The following SLC12A3 variants were observed in gnomAD, a reference collection of about 807,000 sequenced individuals.
The protein encoded by SLC12A3 is Na-Cl cotransporter.
In SLC12A3, 104 loss-of-function variants were observed where a neutral mutation model predicts 121.0. That is an observed-to-expected ratio of 0.86 (90% CI 0.73 to 1.01). The LOEUF (loss-of-function observed/expected upper bound fraction) is 1.01. Ranked by LOEUF, SLC12A3 falls within the 50% of genes least tolerant of loss-of-function variation. The pLI is 0.00. For synonymous variants in SLC12A3, 536 were observed against 533.4 expected, an observed-to-expected ratio of 1.00 and a Z score of -0.07; for missense variants, 1,328 against 1,356.3, an observed-to-expected ratio of 0.98 and a Z score of 0.33.
At chr16:56,888,770 G>C (rs1183459087) in intron 18 of SLC12A3, among the ~76,000 whole-genome samples, 3 of 152,010 alleles carry the variant, frequency 2.0e-5, no homozygotes, top group African/African-American at 7.3e-5. Flanking sequence ...GTGTTAGCCA[G>C]GATGGTCTCG....
At chr16:56,885,770 C>T (rs2055302882) in intron 15 of SLC12A3, among the ~76,000 whole-genome samples, 1 of 152,172 alleles carries the variant, frequency 6.6e-6, no homozygotes, top group Admixed American at 6.6e-5. Flanking sequence ...TAATTATTGG[C>T]AATATCTATT....
chr16:56,887,862 C>A (rs2055339225), intron 17 of SLC12A3, 63 bp from the exon 18 acceptor site: 1 of 1,107,326 alleles, frequency 9.0e-7, no homozygotes, highest in Non-Finnish European at 1.3e-6. Flanking sequence ...GGGGCTCTGG[C>A]CAGGTGGATC....
In SLC12A3 at chr16:56,879,425, G is replaced by A. The variant is rs1173998804; in HGVS notation, c.1336-117G>A. 6.6e-6 allele frequency: 7 copies of A among 1,062,994 alleles called. No individual in the cohort carries two copies. In the African/African-American group the frequency reaches 7.8e-5, roughly 12 times the overall value. The allele number at this position is 1,062,994 out of a possible 1,614,324, so 65.8% of individuals were successfully genotyped here. ...ACTGGGATCTCCAGGGGTGGGTTGTGGACTCAGGTGGAGGCTCAGGACCCA... is the reference window on the plus strand; with the variant it reads ...ACTGGGATCTCCAGGGGTGGGTTGTAGACTCAGGTGGAGGCTCAGGACCCA... On this transcript the variant is annotated intron_variant, in intron 10 of 25. Transcript: ENST00000563236.
In SLC12A3 at chr16:56,894,116, G is replaced by A. The variant is rs562864053; in HGVS notation, c.2522-415G>A. 1.4e-4 allele frequency among the ~76,000 whole-genome samples: 21 copies of A among 151,930 alleles called. No individual in the cohort carries two copies. The East Asian group carries it at 3.9e-3, about 28-fold the overall frequency. On this transcript the variant is annotated intron_variant, in intron 21 of 25. Coordinates refer to ENST00000563236, the MANE Select transcript of SLC12A3 (RefSeq NM_001126108.2). ...CCTCCTGAGCTCAAGTGATTCTCCT[G>A]CCTCAGCCTCCTGAGTAGCTGGGAT...
chr16:56,884,259 G>A lies in SLC12A3; in HGVS notation c.1825+55G>A, dbSNP rs1407398871. ...CTCCTCCCCCAGGGTAGCCATGCAG[G>A]CGGCCCTGCCCTCCGCCCCAGTTGG... On this transcript the variant is annotated intron_variant, in intron 14 of 25. Transcript: ENST00000563236. 8.1e-6 allele frequency: 13 copies of A among 1,596,906 alleles called. No homozygotes were observed. The African/African-American group carries it at 1.3e-4, about 16-fold the overall frequency.
Position 56,913,550 on chromosome 16 carries a change from A to G in SLC12A3, c.*145A>G, listed in dbSNP as rs1473945864. On this transcript the variant is annotated 3_prime_UTR_variant, in exon 26 of 26. Coordinates refer to ENST00000563236, the MANE Select transcript of SLC12A3 (RefSeq NM_001126108.2). The stretch of plus-strand genomic sequence containing the variant: ...ATGATCTCACCGAAAAAGATGGTAG[A>G]TTTCCAAATCTGGCTGGACTCCACT... 1.1e-6 allele frequency: 1 copy of G among 881,056 alleles called. No homozygotes were observed. Among genetic ancestry groups the G allele is most frequent in the Non-Finnish European group, 1.9e-6 (1 of 526,542 alleles). 54.6% of individuals were successfully genotyped at this position (881,056 alleles called of 1,614,324 possible). A position where few individuals can be genotyped will look rare whatever the true frequency, so the allele number is the denominator to read the frequency against.
At chr16:56,909,812 C>T (rs1483972956) in intron 25 of SLC12A3, among the ~76,000 whole-genome samples, 2 of 152,156 alleles carry the variant, frequency 1.3e-5, no homozygotes, top group Non-Finnish European at 2.9e-5. Context: ...AAAAAATCTC[C>T]CAAGCCTCGG....
Position 56,887,932 on chromosome 16 carries a change from G to A in SLC12A3, c.2186G>A (p.Gly729Asp), listed in dbSNP as rs373901523. Residue 729 changes from glycine (G) to aspartate (D), a missense_variant, in exon 18 of 26, where the codon GGT becomes GAT. Transcript: ENST00000563236. ...ACCCCTATCCCCTGGCAGGCCGCAG[G>A]TCTCGGGAGAATGAAGCCCAACATT... ...RGVQILMQAA[G>D]LGRMKPNILV... is the part of the protein sequence containing the mutation. 6.2e-7 allele frequency: 1 copy of A among 1,612,190 alleles called. No homozygotes were observed. The highest frequency in any genetic ancestry group is 8.5e-7 in the Non-Finnish European group (1 of 1,179,142).
intron 17 of SLC12A3, among the ~76,000 whole-genome samples, chr16:56,887,326 T>A (rs2055327975): frequency 6.6e-6 from 1 of 152,096 alleles, no homozygotes; most frequent in Non-Finnish European, 1.5e-5. Context: ...TGCCTCAGCC[T>A]CCTGAGTAAC....
At chr16:56,868,458 C>T in intron 3 of SLC12A3, 86 bp downstream of exon 3, 3 of 1,346,080 alleles carry the variant, frequency 2.2e-6, no homozygotes, top group Non-Finnish European at 3.1e-6. Context: ...TTCCCAGACC[C>T]CAAGGTTGCA....
chr16:56,879,335 A>G, intron 10 of SLC12A3, 108 bp downstream of exon 10: 3 of 1,451,786 alleles, frequency 2.1e-6, no homozygotes, highest in Non-Finnish European at 2.9e-6. Context: ...TTGGGGGTTG[A>G]GGCCTAGGCT....
rs117283427 is a variant in SLC12A3 at position 56,865,863 on chromosome 16, G to C, written c.282+346G>C. Among the ~76,000 whole-genome samples, 53 of 152,346 alleles carry C rather than the reference G, an allele frequency of 3.5e-4. 1 individual carries two copies. In the East Asian group the frequency reaches 8.7e-3, roughly 25 times the overall value. On this transcript the variant is annotated intron_variant, in intron 1 of 25. Transcript: ENST00000563236. ...AGAGAGAGGGCTCGCCGGGTTTGCT[G>C]CCCGGGAGGCTGGACTGTGAAGAGT...
chr16:56,870,830 TTTTTC>T (rs1284822445), intron 6 of SLC12A3, 94 bp downstream of exon 6: 1 of 700,196 alleles, frequency 1.4e-6, no homozygotes, highest in African/African-American at 1.8e-5. Context: ...CTGCCTTTTC[TTTTTC>T]TTTTCTTTTT....
At chr16:56,892,155 G>A in intron 20 of SLC12A3, 22 bp downstream of exon 20, 1 of 1,612,736 alleles carries the variant, frequency 6.2e-7, no homozygotes, top group Non-Finnish European at 8.5e-7. Context: ...TCAGTCTCTG[G>A]CGCTTGTCAG....
intron 3 of SLC12A3, among the ~76,000 whole-genome samples, 175 bp downstream of exon 3, chr16:56,868,547 G>T (rs1964415074): frequency 6.6e-6 from 1 of 152,246 alleles, no homozygotes; most frequent in Non-Finnish European, 1.5e-5. Context: ...GCAGTGACAG[G>T]GGTCAGGGTG....
chr16:56,902,538 G>T, intron 24 of SLC12A3, 30 bp downstream of exon 24: 1 of 1,587,152 alleles, frequency 6.3e-7, no homozygotes, highest in South Asian at 1.1e-5. Context: ...TGGGAAACGC[G>T]ACACATCACT....
intron 1 of SLC12A3, 31 bp from the exon 2 acceptor site, chr16:56,867,039 C>T (rs1567424715): frequency 1.2e-6 from 2 of 1,607,626 alleles, no homozygotes; most frequent in South Asian, 1.1e-5. Flanking sequence ...AGCACCCCTA[C>T]CTGCCTGACT....
intron 1 of SLC12A3, among the ~76,000 whole-genome samples, chr16:56,865,992 T>TTTTTTTTTC (rs1491310298): frequency 1.9e-4 from 2 of 10,652 alleles, no homozygotes; most frequent in African/African-American, 3.8e-4. Context: ...TTTTCTTTTC[T>TTTTTTTTTC]TTTTTTTTTT....
At chr16:56,871,515 G>A (rs140312500) in intron 6 of SLC12A3, among the ~76,000 whole-genome samples, 6 of 152,204 alleles carry the variant, frequency 3.9e-5, no homozygotes, top group Admixed American at 6.5e-5. Context: ...TCCTCTCCCC[G>A]CATTTTCTGA....
Sources: gnomAD v4.1 joint callset for allele counts (sites outside exome capture counted in the v4.1 genomes callset) on GRCh38, gnomAD v4.1.1 for gene constraint, MANE v1.5 for transcripts, NCBI Gene and HGNC (gene_info 2026-07-23, HGNC 2026-07-21) for gene names.